The following USP32 variants were observed in gnomAD, a reference collection of about 807,000 sequenced individuals.
USP32 encodes the protein ubiquitin carboxyl-terminal hydrolase 32.
Under a neutral mutation model 204.8 loss-of-function variants are expected in USP32, and 59 were observed. The ratio of observed to expected loss-of-function variants is 0.29; its 90% confidence interval spans 0.23 to 0.36. The LOEUF (loss-of-function observed/expected upper bound fraction) is 0.36, where lower values mean the gene tolerates loss of function less well. USP32 is among the 10% of genes least tolerant of loss of function. The pLI is 1.00. For synonymous variants in USP32, 517 were observed against 678.4 expected, an observed-to-expected ratio of 0.76 and a Z score of 3.70; for missense variants, 1,160 against 1,946.4, an observed-to-expected ratio of 0.60 and a Z score of 7.60.
intron 1 of USP32, among the ~76,000 whole-genome samples, chr17:60,381,887 C>T (rs1307633706): frequency 3.3e-5 from 5 of 152,174 alleles, no homozygotes; most frequent in Admixed American, 6.5e-5. Flanking sequence ...CAGTCGATAC[C>T]GACCCTCAGA....
At chr17:60,394,482 C>T (rs1377735731), upstream of USP32, among the ~76,000 whole-genome samples, 1 of 152,178 alleles carries the variant, frequency 6.6e-6, no homozygotes, top group Non-Finnish European at 1.5e-5. Context: ...ACTTGAAAGA[C>T]AGGACTAGAG....
At chr17:60,337,357 G>C (rs573056778) in intron 2 of USP32, among the ~76,000 whole-genome samples, 1 of 152,180 alleles carries the variant, frequency 6.6e-6, no homozygotes, top group South Asian at 2.1e-4. Context: ...CTCTAATCTA[G>C]AAAAAGGTTA....
At chr17:60,300,866 T>C (rs2087557072) in intron 3 of USP32, among the ~76,000 whole-genome samples, 1 of 152,212 alleles carries the variant, frequency 6.6e-6, no homozygotes, top group South Asian at 2.1e-4. Flanking sequence ...ACCTGATACC[T>C]CCAGCAACCA....
At chr17:60,375,097 T>C (rs918244864) in intron 1 of USP32, among the ~76,000 whole-genome samples, 12 of 152,256 alleles carry the variant, frequency 7.9e-5, no homozygotes, top group African/African-American at 2.9e-4. Flanking sequence ...TATTGTTTTT[T>C]GTAATATTTA....
intron 1 of USP32, among the ~76,000 whole-genome samples, chr17:60,366,458 G>A (rs994822200): frequency 3.9e-5 from 6 of 152,024 alleles, no homozygotes; most frequent in African/African-American, 1.4e-4. Context: ...TAGAGACGGG[G>A]TTTCTCCATG....
chr17:60,285,818 G>C (rs1399310399), intron 5 of USP32, among the ~76,000 whole-genome samples: 1 of 152,044 alleles, frequency 6.6e-6, no homozygotes, highest in Admixed American at 6.6e-5. Context: ...AAAAAGAGAA[G>C]GCATTTTAGT....
At chr17:60,267,184 A>G (rs2086614929) in intron 7 of USP32, among the ~76,000 whole-genome samples, 1 of 151,594 alleles carries the variant, frequency 6.6e-6, no homozygotes, top group Non-Finnish European at 1.5e-5. Context: ...GAGGTGGGCG[A>G]ATCGCGAGGT....
At chr17:60,390,691 C>T (rs2146141595) in intron 1 of USP32, among the ~76,000 whole-genome samples, 1 of 152,300 alleles carries the variant, frequency 6.6e-6, no homozygotes, top group East Asian at 1.9e-4. Flanking sequence ...CAAGAGTTCA[C>T]TTCTCAAGCC....
chr17:60,265,059 C>T (rs2086556801), intron 9 of USP32, among the ~76,000 whole-genome samples: 1 of 152,104 alleles, frequency 6.6e-6, no homozygotes, highest in African/African-American at 2.4e-5. Flanking sequence ...TGGAATCATA[C>T]AGTATATATT....
chr17:60,216,541 T>C (rs1194980519), intron 16 of USP32, among the ~76,000 whole-genome samples: 5 of 152,266 alleles, frequency 3.3e-5, no homozygotes, highest in African/African-American at 1.2e-4. Context: ...AGAAAATATG[T>C]GCATCATCTA....
rs2086646532 is a variant in USP32, at chr17:60,268,347, T to A, written c.811+1103A>T. On this transcript the variant is annotated intron_variant, in intron 7 of 33. Transcript: ENST00000300896. ...ACTTTGGAAGGCTGAGGTGGGCGGATCATTTAAGGCCAGAGGTTCGAGACT... is the reference window on the plus strand; with the variant it reads ...ACTTTGGAAGGCTGAGGTGGGCGGAACATTTAAGGCCAGAGGTTCGAGACT... Among the ~76,000 whole-genome samples the A allele has an allele frequency of 2.6e-5, 4 of 151,224 alleles. 1 individual carries two copies. Among genetic ancestry groups the A allele is most frequent in the Admixed American group, 2.6e-4 (4 of 15,152 alleles).
At position 60,185,629 on chromosome 17, in the gene USP32, A is replaced by G; in HGVS notation, c.3665T>C (p.Val1222Ala). ...GGCTTGCGCTCGCCGACTCTGCTCC[A>G]CACTCTCATGCTCATCTACAACCTG... ...QERVVDEHES[V>A]EQSRRAQAEP... The change falls in exon 30 of 34, where the codon GTG becomes GCG. Residue 1222 changes from valine (V) to alanine (A), a missense_variant. By Grantham distance (64) the Val-to-Ala change is moderately conservative. Transcript: ENST00000300896. The G allele has an allele frequency of 6.2e-7, 1 of 1,611,750 alleles. No individual in the cohort carries two copies.
chr17:60,184,694 C>T (rs2084203752), intron 30 of USP32, among the ~76,000 whole-genome samples: 1 of 151,092 alleles, frequency 6.6e-6, no homozygotes, highest in African/African-American at 2.4e-5. Context: ...CCTGTAATCT[C>T]AGCTACTCAG....
At chr17:60,261,445 G>A (rs1240086943) in intron 9 of USP32, among the ~76,000 whole-genome samples, 1 of 152,072 alleles carries the variant, frequency 6.6e-6, no homozygotes, top group Non-Finnish European at 1.5e-5. Flanking sequence ...TCAGGAGTTT[G>A]AGACCAGCCT....
chr17:60,398,804 C>A (rs1027585635), intron 1 of USP32, among the ~76,000 whole-genome samples: 1 of 151,496 alleles, frequency 6.6e-6, no homozygotes. Flanking sequence ...ATTGCAAGAC[C>A]CTGTCTCTAC....
chr17:60,227,577 C>CT (rs1488979608), intron 12 of USP32, among the ~76,000 whole-genome samples: 3 of 147,496 alleles, frequency 2.0e-5, no homozygotes, highest in East Asian at 3.9e-4. Flanking sequence ...TTCAGTTTTT[C>CT]TTTTCTTTTT....
At chr17:60,271,812 CT>C (rs907699792) in intron 5 of USP32, among the ~76,000 whole-genome samples, 463 of 142,334 alleles carry the variant, frequency 3.3e-3, no homozygotes, top group Admixed American at 3.5e-3. Context: ...TTTTTTTCTT[CT>C]TTTTTTTTTT....
intron 1 of USP32, among the ~76,000 whole-genome samples, 170 bp downstream of exon 1, chr17:60,391,712 G>A (rs1402099672): frequency 1.3e-5 from 2 of 152,040 alleles, no homozygotes; most frequent in Non-Finnish European, 2.9e-5. Flanking sequence ...CCCAAACGCT[G>A]CTTCCCACCC....
intron 32 of USP32, among the ~76,000 whole-genome samples, chr17:60,181,041 C>A (rs1404397417): frequency 5.9e-5 from 9 of 152,106 alleles, no homozygotes; most frequent in South Asian, 2.1e-4. Context: ...TGCCACCATA[C>A]CTTGCTCCAT....
Sources: gnomAD v4.1 joint callset for allele counts (sites outside exome capture counted in the v4.1 genomes callset) on GRCh38, gnomAD v4.1.1 for gene constraint, MANE v1.5 for transcripts, NCBI Gene and HGNC (gene_info 2026-07-23, HGNC 2026-07-21) for gene names.